The following LPIN1 variants were observed in gnomAD, a reference collection of about 807,000 sequenced individuals.
LPIN1 encodes phosphatidate phosphatase LPIN1.
LPIN1 carries 71 observed loss-of-function variants against 107.5 expected under a neutral mutation model. The ratio of observed to expected loss-of-function variants is 0.66; its 90% CI spans 0.55 to 0.80. The LOEUF (loss-of-function observed/expected upper bound fraction) is 0.80, where lower values mean the gene tolerates loss of function less well. LPIN1 is among the 30% of genes least tolerant of loss of function. The probability of loss-of-function intolerance (pLI) is 0.00; values close to 1 mark genes in which losing one functional copy is unlikely to be tolerated. For missense variants in LPIN1, 1,043 were observed against 1,160.6 expected, an observed-to-expected ratio of 0.90 and a Z score of 1.47; for synonymous variants, 445 against 452.6, an observed-to-expected ratio of 0.98 and a Z score of 0.21.
At chr2:11,810,120 C>T (rs1192688317) in intron 17 of LPIN1, among the ~76,000 whole-genome samples, 1 of 152,168 alleles carries the variant, frequency 6.6e-6, no homozygotes, top group African/African-American at 2.4e-5. Context: ...GTCCTAGGTG[C>T]CGTCGGGGGT....
chr2:11,813,371 C>T (rs1283244568), intron 17 of LPIN1, among the ~76,000 whole-genome samples: 3 of 151,786 alleles, frequency 2.0e-5, no homozygotes, highest in Non-Finnish European at 4.4e-5. Context: ...ATATATCATA[C>T]CTTCTTTTTT....
intron 1 of LPIN1, chr2:11,741,225 C>G (rs557452512): frequency 4.8e-6 from 3 of 630,614 alleles, no homozygotes; most frequent in Admixed American, 3.0e-5. Context: ...GAGTCCTGCC[C>G]CAGCTGTGTC....
At chr2:11,772,577 T>A (rs1672029277) in intron 4 of LPIN1, among the ~76,000 whole-genome samples, 1 of 152,246 alleles carries the variant, frequency 6.6e-6, no homozygotes, top group Non-Finnish European at 1.5e-5. Context: ...AAGAAAATGC[T>A]GTTTTCTCTA....
chr2:11,777,819 A>AT (rs1176002869), intron 6 of LPIN1, among the ~76,000 whole-genome samples: 2 of 152,210 alleles, frequency 1.3e-5, no homozygotes, highest in Non-Finnish European at 2.9e-5. Context: ...AATATGTTCT[A>AT]TTTTGTCTGG....
chr2:11,796,958 C>G (rs1194187156), intron 14 of LPIN1, among the ~76,000 whole-genome samples: 1 of 152,172 alleles, frequency 6.6e-6, no homozygotes. Context: ...CACATCTGAG[C>G]AAAGGTGCCA....
Position 11,697,154 on chromosome 2 carries a change from G to C in LPIN1, c.82-16602G>C, listed in dbSNP as rs186563749. On this transcript the variant is annotated intron_variant, in intron 1 of 21. Coordinates refer to the LPIN1 transcript ENST00000449576. This position sits in a 1 kb window ranked among gnomAD's most constrained non-coding sequence, Gnocchi z 4.6. Reference sequence around the variant, plus strand: ...GAAGGGCAGTGCCCTTTTCTGTGGGGCCCTGGGCTTGTTCTGCATTGTTTC... The same window carrying C: ...GAAGGGCAGTGCCCTTTTCTGTGGGCCCCTGGGCTTGTTCTGCATTGTTTC... 4.8e-3 allele frequency among the ~76,000 whole-genome samples: 726 copies of C among 152,364 alleles called. 3 individuals are homozygous for C. The highest frequency in any genetic ancestry group is 7.3e-3 in the Admixed American group (112 of 15,312).
chr2:11,805,576 G>C (rs1264324928), intron 17 of LPIN1: 1 of 320,698 alleles, frequency 3.1e-6, no homozygotes, highest in Non-Finnish European at 6.1e-6. Context: ...CAGACCCTGC[G>C]AGCCAACCAG....
intron 1 of LPIN1, among the ~76,000 whole-genome samples, chr2:11,702,832 T>G (rs1181796660): frequency 6.6e-6 from 1 of 152,186 alleles, no homozygotes; most frequent in African/African-American, 2.4e-5. Context: ...AAGCTACTCT[T>G]GTTTGCCAAT....
chr2:11,808,984 G>A lies in LPIN1; in HGVS notation c.2249+3828G>A, dbSNP rs371952228. ...AATTTTGTTTTCTGCTGAATTTAAT[G>A]ACTTGTTTGGATCTAGTCAGCCCAT... On this transcript the variant is annotated intron_variant, in intron 17 of 20. Transcript: ENST00000674199. Among the ~76,000 whole-genome samples, 28 of 152,160 alleles carry A rather than the reference G, an allele frequency of 1.8e-4. No individual in the cohort carries two copies. The South Asian group carries it at 4.4e-3, about 24-fold the overall frequency.
At chr2:11,703,701 G>T (rs751381792) in intron 1 of LPIN1, among the ~76,000 whole-genome samples, 1 of 152,094 alleles carries the variant, frequency 6.6e-6, no homozygotes, top group Non-Finnish European at 1.5e-5. Flanking sequence ...CAAATACATA[G>T]ATGCAGTTAC....
intron 17 of LPIN1, among the ~76,000 whole-genome samples, chr2:11,809,994 C>T (rs1055057527): frequency 6.6e-6 from 1 of 152,140 alleles, no homozygotes; most frequent in Non-Finnish European, 1.5e-5. Flanking sequence ...CACTGCTAAC[C>T]CAGGAATGCT....
chr2:11,709,464 C>T (rs1663295187), intron 1 of LPIN1, among the ~76,000 whole-genome samples: 1 of 152,242 alleles, frequency 6.6e-6, no homozygotes, highest in Non-Finnish European at 1.5e-5. Flanking sequence ...GGCCAGGGTT[C>T]TCCTCTCACA....
chr2:11,796,575 G>A (rs190539732), intron 14 of LPIN1, among the ~76,000 whole-genome samples: 1 of 152,284 alleles, frequency 6.6e-6, no homozygotes, highest in African/African-American at 2.4e-5. Flanking sequence ...GCTCTCGCCT[G>A]GGATGCTCTT....
At chr2:11,741,211 C>T (rs1194954267) in intron 1 of LPIN1, 4 of 586,918 alleles carry the variant, frequency 6.8e-6, no homozygotes, top group Non-Finnish European at 1.2e-5. Context: ...GACCAGGAGC[C>T]CGGGAGTCCT....
At chr2:11,782,169 C>G (rs773533679) in intron 7 of LPIN1, 32 bp from the exon 8 acceptor site, 1 of 1,566,556 alleles carries the variant, frequency 6.4e-7, no homozygotes, top group Non-Finnish European at 8.8e-7. Flanking sequence ...GACCTTGTCT[C>G]TCTCTCTGTC....
chr2:11,778,059 T>C lies in LPIN1; in HGVS notation c.831-1460T>C, dbSNP rs557421802. On this transcript the variant is annotated intron_variant, in intron 6 of 20. Transcript: ENST00000674199. ...AGACGCTTCAGTGCCACCAAAGCGTTGTCTCTTTGGAGAAGTCCAGTTGTG... is the reference window on the plus strand; with the variant it reads ...AGACGCTTCAGTGCCACCAAAGCGTCGTCTCTTTGGAGAAGTCCAGTTGTG... Among the ~76,000 whole-genome samples the C allele has an allele frequency of 4.6e-5, 7 of 152,304 alleles. No individual in the cohort carries two copies. The East Asian group carries it at 1.4e-3, about 29-fold the overall frequency.
chr2:11,797,741 G>T (rs186647030), intron 14 of LPIN1, among the ~76,000 whole-genome samples: 251 of 152,342 alleles, frequency 1.6e-3, no homozygotes, highest in African/African-American at 5.8e-3. Flanking sequence ...CATAGGCAGA[G>T]GGGACCTGTC....
At chr2:11,818,509 A>G (rs1467598067) in intron 18 of LPIN1, 1 of 148,720 alleles carries the variant, frequency 6.7e-6, no homozygotes, top group Non-Finnish European at 1.5e-5. Context: ...TAATTTTTGT[A>G]CTTTTTTTTT....
chr2:11,791,814 T>A (rs773039111), intron 12 of LPIN1, 100 bp from the exon 13 acceptor site: 21 of 1,526,114 alleles, frequency 1.4e-5, no homozygotes, highest in South Asian at 3.6e-5. Flanking sequence ...GATTTTTTTT[T>A]AAATCTTACT....
Sources: allele counts gnomAD v4.1 joint callset (sites outside exome capture counted in the v4.1 genomes callset), GRCh38; gene constraint gnomAD v4.1.1; non-coding constraint Gnocchi (gnomAD v3.1); transcripts MANE v1.5; gene names NCBI Gene and HGNC (gene_info 2026-07-23, HGNC 2026-07-21).